The following NR6A1 variants were observed in gnomAD, a reference collection of about 807,000 sequenced individuals.
NR6A1 encodes the protein retinoic acid receptor-related testis-associated receptor.
In NR6A1, 7 loss-of-function variants were observed where a neutral mutation model predicts 59.1. That is an observed-to-expected ratio of 0.12 (90% confidence interval 0.07 to 0.22). NR6A1 has a LOEUF of 0.22. NR6A1 is among the 10% of genes least tolerant of loss of function. NR6A1 has a pLI of 1.00. For synonymous variants in NR6A1, 243 were observed against 236.1 expected (o/e 1.03, Z -0.27); for missense variants, 468 against 611.6 (o/e 0.77, Z 2.48).
chr9:124,721,522 A>G (rs1297719915), intron 2 of NR6A1, among the ~76,000 whole-genome samples: 1 of 152,186 alleles, frequency 6.6e-6, no homozygotes, highest in Non-Finnish European at 1.5e-5. Flanking sequence ...TGTTGCAGAG[A>G]AAAAGGGACA....
At chr9:124,636,584 T>C (rs1471743087) in intron 2 of NR6A1, among the ~76,000 whole-genome samples, 1 of 152,216 alleles carries the variant, frequency 6.6e-6, no homozygotes, top group Non-Finnish European at 1.5e-5. Flanking sequence ...TTCAAGTTAA[T>C]CTTTGTGACG....
intron 2 of NR6A1, among the ~76,000 whole-genome samples, chr9:124,637,464 C>T (rs1250329411): frequency 6.6e-6 from 1 of 152,142 alleles, no homozygotes; most frequent in East Asian, 1.9e-4. Context: ...TACTTTACTG[C>T]ACTTAACGCT....
At position 124,522,612 on chromosome 9, in the gene NR6A1, G is replaced by T; in HGVS notation, c.*93C>A. 1.1e-6 allele frequency: 1 copy of T among 919,396 alleles called. No homozygotes were observed. Among genetic ancestry groups the T allele is most frequent in the Non-Finnish European group, 1.7e-6 (1 of 594,564 alleles). 57.0% of individuals were successfully genotyped at this position (919,396 alleles called of 1,614,324 possible). Reference sequence around the variant, plus strand: ...AGGCAACGGGAAATGCTGCTCCACAGCCTCCATCTTGGTCTCTCTGGCTTT... The same window carrying T: ...AGGCAACGGGAAATGCTGCTCCACATCCTCCATCTTGGTCTCTCTGGCTTT... On this transcript the variant is annotated 3_prime_UTR_variant, in exon 10 of 10. Coordinates refer to ENST00000487099, the MANE Select transcript of NR6A1 (RefSeq NM_033334.4).
intron 2 of NR6A1, among the ~76,000 whole-genome samples, chr9:124,614,562 G>C (rs1835838480): frequency 6.6e-6 from 1 of 152,164 alleles, no homozygotes; most frequent in South Asian, 2.1e-4. Context: ...TGTGGCATGA[G>C]AGATGGATAA....
intron 2 of NR6A1, among the ~76,000 whole-genome samples, chr9:124,610,773 T>C (rs952733040): frequency 6.6e-6 from 1 of 152,216 alleles, no homozygotes; most frequent in African/African-American, 2.4e-5. Flanking sequence ...TGCCTGAATT[T>C]CAGAACTCAT....
chr9:124,743,468 T>G (rs1840234228), intron 1 of NR6A1, among the ~76,000 whole-genome samples: 2 of 152,200 alleles, frequency 1.3e-5, no homozygotes, highest in African/African-American at 4.8e-5. Flanking sequence ...TTCTTAAACA[T>G]GAAATCTTAG....
chr9:124,598,754 CGAAA>C, intron 2 of NR6A1: 1 of 935,130 alleles, frequency 1.1e-6, no homozygotes, highest in South Asian at 1.3e-5. Flanking sequence ...TCTCCTTCAC[CGAAA>C]GAGCTTCTAG....
At chr9:124,768,838 C>T (rs1841017755) in intron 1 of NR6A1, among the ~76,000 whole-genome samples, 2 of 152,132 alleles carry the variant, frequency 1.3e-5, no homozygotes, top group South Asian at 4.1e-4. Context: ...AGCAATATTG[C>T]AGTAAATATT....
intron 1 of NR6A1, among the ~76,000 whole-genome samples, chr9:124,733,667 G>A (rs1317999201): frequency 6.6e-6 from 1 of 152,184 alleles, no homozygotes; most frequent in Non-Finnish European, 1.5e-5. Flanking sequence ...AGTTATCATG[G>A]CAATGTCCGT....
chr9:124,695,262 CA>C (rs1329520271), intron 2 of NR6A1, among the ~76,000 whole-genome samples: 1 of 152,180 alleles, frequency 6.6e-6, no homozygotes, highest in African/African-American at 2.4e-5. Flanking sequence ...GCCAAATATA[CA>C]TCAAATTGTG....
chr9:124,613,431 G>C (rs894926806), intron 2 of NR6A1, among the ~76,000 whole-genome samples: 1 of 152,246 alleles, frequency 6.6e-6, no homozygotes, highest in African/African-American at 2.4e-5. Flanking sequence ...CAGATTGCTT[G>C]AGCCCAGGAG....
At chr9:124,750,861 C>T (rs951621874) in intron 1 of NR6A1, among the ~76,000 whole-genome samples, 9 of 152,134 alleles carry the variant, frequency 5.9e-5, no homozygotes, top group Admixed American at 1.3e-4. Flanking sequence ...CTTGTCTCCA[C>T]GGCTAAAATT....
chr9:124,731,786 TATAAC>T (rs1469710511), intron 2 of NR6A1, among the ~76,000 whole-genome samples: 6 of 152,242 alleles, frequency 3.9e-5, no homozygotes, highest in Admixed American at 6.5e-5. Context: ...ATATAATACA[TATAAC>T]ATACAAAATT....
intron 2 of NR6A1, among the ~76,000 whole-genome samples, chr9:124,646,842 A>C (rs1836942937): frequency 6.6e-6 from 1 of 152,230 alleles, no homozygotes; most frequent in South Asian, 2.1e-4. Context: ...AGACAATCTA[A>C]ATAGGCCTAC....
chr9:124,673,925 A>T (rs2130974697), intron 2 of NR6A1, among the ~76,000 whole-genome samples: 1 of 152,264 alleles, frequency 6.6e-6, no homozygotes, highest in South Asian at 2.1e-4. Flanking sequence ...TTTCTAGCTA[A>T]TTACTATTTT....
chr9:124,616,334 C>T (rs934682689), intron 2 of NR6A1, among the ~76,000 whole-genome samples: 13 of 145,246 alleles, frequency 9.0e-5, no homozygotes, highest in African/African-American at 3.1e-4. Flanking sequence ...ACTCGGGAAG[C>T]GGAGATTGCA....
chr9:124,667,486 T>C (rs1837659432), intron 2 of NR6A1, among the ~76,000 whole-genome samples: 1 of 152,216 alleles, frequency 6.6e-6, no homozygotes, highest in South Asian at 2.1e-4. Flanking sequence ...TGCTACTGTA[T>C]ATCCCAAACA....
intron 2 of NR6A1, among the ~76,000 whole-genome samples, chr9:124,628,604 G>A (rs898049282): frequency 3.3e-5 from 5 of 151,470 alleles, no homozygotes; most frequent in Non-Finnish European, 7.4e-5. Context: ...GGCTCCCAAA[G>A]TGCTGGGATT....
chr9:124,579,555 TAA>T (rs1368669811), intron 2 of NR6A1, among the ~76,000 whole-genome samples: 1 of 149,974 alleles, frequency 6.7e-6, no homozygotes, highest in Admixed American at 6.6e-5. Flanking sequence ...TTTCACAAAA[TAA>T]AAAATAATAA....
Sources: gnomAD v4.1 joint callset for allele counts (sites outside exome capture counted in the v4.1 genomes callset) on GRCh38, gnomAD v4.1.1 for gene constraint, MANE v1.5 for transcripts, NCBI Gene and HGNC (gene_info 2026-07-23, HGNC 2026-07-21) for gene names.